DSCAM: variants seen among roughly 807,000 people sequenced by gnomAD.
DSCAM encodes the protein cell adhesion molecule DSCAM.
Under a neutral mutation model 217.7 loss-of-function variants are expected in DSCAM, and 47 were observed. The ratio of observed to expected loss-of-function variants is 0.22; its 90% CI spans 0.17 to 0.28. The LOEUF (loss-of-function observed/expected upper bound fraction) is 0.28. Ranked by LOEUF, DSCAM falls within the 10% of genes least tolerant of loss-of-function variation. DSCAM has a pLI of 1.00. For synonymous variants in DSCAM, 1,056 were observed against 1,015.3 expected (o/e 1.04, Z -0.76); for missense variants, 2,080 against 2,618.3 (o/e 0.79, Z 4.49).
chr21:40,334,554 C>T (rs2074409654), intron 8 of DSCAM, among the ~76,000 whole-genome samples: 1 of 152,192 alleles, frequency 6.6e-6, no homozygotes, highest in Admixed American at 6.5e-5. Flanking sequence ...TCATCTCTCA[C>T]CTGGATTCAC....
At position 40,189,059 on chromosome 21, in the gene DSCAM, C is replaced by A. The variant is rs2090926847; in HGVS notation, c.2536G>T (p.Val846Leu). ...GCTTTTACCTGCAGAGTAGAAATCACCTCTTCTCCCACCTCCTTGGTGGAC... is the reference window on the plus strand; with the variant it reads ...GCTTTTACCTGCAGAGTAGAAATCAACTCTTCTCCCACCTCCTTGGTGGAC... ...LVSTKEVGEEVISTLQILPTV... is the reference protein window; with the variant it reads ...LVSTKEVGEELISTLQILPTV... Residue 846 changes from valine to leucine, a missense_variant, in exon 12 of 33, where the codon GTG (valine) becomes TTG (leucine). Val to Leu is a conservative substitution (Grantham distance 32, BLOSUM62 1). Around this residue, in one of 5 missense-constraint regions of DSCAM, gnomAD observed 1,144 missense variants for 1,421.1 expected, o/e 0.81. Transcript: ENST00000400454. The A allele has an allele frequency of 6.2e-7, 1 of 1,614,158 alleles. No homozygotes were observed. Among genetic ancestry groups the A allele is most frequent in the African/African-American group, 1.3e-5 (1 of 75,030 alleles).
chr21:40,594,846 T>C (rs2077009371), intron 3 of DSCAM, among the ~76,000 whole-genome samples: 1 of 152,134 alleles, frequency 6.6e-6, no homozygotes, highest in African/African-American at 2.4e-5. Flanking sequence ...GTAACCTCAG[T>C]CTTTGTAGAG....
At position 40,352,955 on chromosome 21, in the gene DSCAM, A is replaced by C. The variant is rs573105043; in HGVS notation, c.934+510T>G. Among the ~76,000 whole-genome samples the C allele has an allele frequency of 2.0e-5, 3 of 152,320 alleles. No individual in the cohort carries two copies. In the South Asian group the frequency reaches 6.2e-4, roughly 32 times the overall value. On this transcript the variant is annotated intron_variant, in intron 5 of 32. Coordinates refer to ENST00000400454, the MANE Select transcript of DSCAM (RefSeq NM_001389.5). Reference sequence around the variant, plus strand: ...TTTGGAGTAGATGATCTATAATACTAGGCACAAGTCTAATATTTGGGTATG... The same window carrying C: ...TTTGGAGTAGATGATCTATAATACTCGGCACAAGTCTAATATTTGGGTATG...
intron 20 of DSCAM, among the ~76,000 whole-genome samples, chr21:40,117,367 T>C (rs951797996): frequency 6.6e-6 from 1 of 152,122 alleles, no homozygotes; most frequent in Admixed American, 6.5e-5. Flanking sequence ...CTGGGAGTAC[T>C]GGGGCAGGAT....
At chr21:40,250,738 C>T (rs972759753) in intron 11 of DSCAM, among the ~76,000 whole-genome samples, 1 of 152,178 alleles carries the variant, frequency 6.6e-6, no homozygotes, top group African/African-American at 2.4e-5. Flanking sequence ...AACCTCACTG[C>T]TAATGAGAAG....
At chr21:40,627,767 A>G (rs1353211337) in intron 3 of DSCAM, among the ~76,000 whole-genome samples, 4 of 152,236 alleles carry the variant, frequency 2.6e-5, no homozygotes, top group Non-Finnish European at 2.9e-5. Flanking sequence ...GATTTGGAGA[A>G]GCACGGGGAT....
chr21:40,734,984 A>G (rs1050992231), intron 1 of DSCAM, among the ~76,000 whole-genome samples: 3 of 152,230 alleles, frequency 2.0e-5, no homozygotes, highest in African/African-American at 7.2e-5. Flanking sequence ...ACAAAACAGA[A>G]ATGCTGGTTG....
intron 3 of DSCAM, among the ~76,000 whole-genome samples, chr21:40,674,302 C>T (rs1182723308): frequency 6.6e-6 from 1 of 152,176 alleles, no homozygotes; most frequent in African/African-American, 2.4e-5. Flanking sequence ...CAGAAAAATG[C>T]TTCAGTTGTT....
At chr21:40,828,087 G>A (rs2091984160) in intron 1 of DSCAM, among the ~76,000 whole-genome samples, 1 of 152,054 alleles carries the variant, frequency 6.6e-6, no homozygotes, top group South Asian at 2.1e-4. Context: ...GCTGGAAGAG[G>A]GGGAAGTTGA....
chr21:40,069,086 A>AG (rs1229671566), intron 27 of DSCAM, among the ~76,000 whole-genome samples: 1 of 129,728 alleles, frequency 7.7e-6, no homozygotes, highest in Non-Finnish European at 1.6e-5. Flanking sequence ...ACTCTGTCTC[A>AG]GAAAAAAAAA....
chr21:40,785,901 G>A (rs757859074), intron 1 of DSCAM, among the ~76,000 whole-genome samples: 12 of 152,152 alleles, frequency 7.9e-5, no homozygotes, highest in Non-Finnish European at 1.3e-4. Flanking sequence ...CCATTGAGAT[G>A]GTATTTTTTC....
intron 21 of DSCAM, among the ~76,000 whole-genome samples, chr21:40,091,585 A>G (rs1190614867): frequency 1.3e-5 from 2 of 152,060 alleles, no homozygotes; most frequent in African/African-American, 4.8e-5. Context: ...GTCTCTATGC[A>G]TATACTTTTG....
intron 2 of DSCAM, among the ~76,000 whole-genome samples, chr21:40,705,235 T>C (rs958953917): frequency 6.6e-6 from 1 of 152,208 alleles, no homozygotes; most frequent in Non-Finnish European, 1.5e-5. Context: ...TTTTGGCAAT[T>C]AGGAATAAAG....
intron 3 of DSCAM, among the ~76,000 whole-genome samples, chr21:40,435,618 T>C (rs1037267557): frequency 6.6e-6 from 1 of 152,196 alleles, no homozygotes; most frequent in Non-Finnish European, 1.5e-5. Context: ...ATTGCTCTTG[T>C]ACTGTTTTAT....
intron 3 of DSCAM, among the ~76,000 whole-genome samples, chr21:40,464,234 T>C (rs774624481): frequency 6.6e-6 from 1 of 152,138 alleles, no homozygotes; most frequent in Non-Finnish European, 1.5e-5. Context: ...GGAACATCAA[T>C]AAAAGTAAAT....
At chr21:40,781,501 A>G (rs920519878) in intron 1 of DSCAM, among the ~76,000 whole-genome samples, 4 of 152,178 alleles carry the variant, frequency 2.6e-5, no homozygotes, top group Non-Finnish European at 5.9e-5. Context: ...GTTTTCAACC[A>G]CACGTAGCTT....
intron 11 of DSCAM, among the ~76,000 whole-genome samples, chr21:40,210,575 C>T (rs754068282): frequency 1.4e-4 from 22 of 152,158 alleles, no homozygotes; most frequent in Non-Finnish European, 3.1e-4. Context: ...GATGGATTCT[C>T]GCTCTGTCAC....
chr21:40,796,049 A>C (rs2091688713), intron 1 of DSCAM, among the ~76,000 whole-genome samples: 1 of 152,220 alleles, frequency 6.6e-6, no homozygotes, highest in African/African-American at 2.4e-5. Flanking sequence ...TAGCTTATTC[A>C]ATCCTCAAAA....
At chr21:40,284,974 T>C (rs1374045336) in intron 10 of DSCAM, among the ~76,000 whole-genome samples, 6 of 152,236 alleles carry the variant, frequency 3.9e-5, no homozygotes, top group South Asian at 2.1e-4. Flanking sequence ...TCAGGATTTG[T>C]TACAACTTGC....
Sources: gnomAD v4.1 joint callset for allele counts (sites outside exome capture counted in the v4.1 genomes callset) on GRCh38, gnomAD v4.1.1 for gene constraint, gnomAD v4.1.1 regional missense constraint, MANE v1.5 for transcripts, NCBI Gene and HGNC (gene_info 2026-07-23, HGNC 2026-07-21) for gene names.